The following TENM1 variants were observed in gnomAD, a reference collection of about 807,000 sequenced individuals.
TENM1 encodes the protein teneurin-1.
In TENM1, 35 loss-of-function variants were observed where a neutral mutation model predicts 174.8. The ratio of observed to expected loss-of-function variants is 0.20; its 90% CI spans 0.15 to 0.27. The LOEUF is 0.27. TENM1 is among the 10% of genes least tolerant of loss of function. TENM1 has a pLI of 1.00. For synonymous variants in TENM1, 781 were observed against 798.7 expected, an observed-to-expected ratio of 0.98 and a Z score of 0.37; for missense variants, 1,633 against 2,130.1, an observed-to-expected ratio of 0.77 and a Z score of 4.59.
At chrX:124,739,592 T>C (rs1468536314) in intron 3 of TENM1, among the ~76,000 whole-genome samples, 1 of 112,195 alleles carries the variant, frequency 8.9e-6, no homozygotes, top group Admixed American at 9.4e-5. Flanking sequence ...CCCAGTACTC[T>C]GCCCAGCACT....
chrX:124,678,819 A>T (rs1441836005), intron 5 of TENM1, among the ~76,000 whole-genome samples: 4 of 111,446 alleles, frequency 3.6e-5, no homozygotes, highest in Non-Finnish European at 5.7e-5. Flanking sequence ...AGGTATTTAA[A>T]TTTATTGAAA....
chrX:124,677,845 T>G, intron 5 of TENM1, among the ~76,000 whole-genome samples: 1 of 111,503 alleles, frequency 9.0e-6, no homozygotes. Context: ...ACTCTAAGTT[T>G]AGTTAATAGC....
the TENM1 span, among the ~76,000 whole-genome samples, chrX:125,157,476 C>T: frequency 0.055 from 6,168 of 111,854 alleles, 395 homozygotes; most frequent in Admixed American, 0.25. Flanking sequence ...TTGTATCCAT[C>T]GACTGATACC....
At chrX:124,933,243 C>G (rs1009966869) in intron 1 of TENM1, among the ~76,000 whole-genome samples, 9 of 111,656 alleles carry the variant, frequency 8.1e-5, no homozygotes, top group Non-Finnish European at 1.7e-4. Flanking sequence ...CTCCACACTG[C>G]CAAGAAGGTG....
the TENM1 span, among the ~76,000 whole-genome samples, chrX:125,137,337 A>C: frequency 9.0e-6 from 1 of 110,784 alleles, no homozygotes; most frequent in Non-Finnish European, 1.9e-5. Flanking sequence ...TAAAAGTGTC[A>C]TTTTGACCAC....
intron 3 of TENM1, among the ~76,000 whole-genome samples, chrX:124,785,491 C>A (rs913812327): frequency 2.5e-4 from 28 of 111,931 alleles, no homozygotes; most frequent in Admixed American, 6.6e-4. Context: ...TGTAAAGGAA[C>A]CTTCTGGTTA....
At chrX:124,474,779 G>A (rs2061369988) in intron 22 of TENM1, among the ~76,000 whole-genome samples, 1 of 111,550 alleles carries the variant, frequency 9.0e-6, no homozygotes, top group East Asian at 2.8e-4. Context: ...TAGATGAACT[G>A]TGCATAAAAA....
the TENM1 span, among the ~76,000 whole-genome samples, chrX:124,993,532 A>G: frequency 9.1e-6 from 1 of 110,383 alleles, no homozygotes. Flanking sequence ...AGTACATTAT[A>G]AGATGCTTCT....
chrX:124,568,127 G>C (rs2048980703), intron 11 of TENM1, among the ~76,000 whole-genome samples: 1 of 111,496 alleles, frequency 9.0e-6, no homozygotes, highest in Non-Finnish European at 1.9e-5. Context: ...TGCATGTCTT[G>C]GCTCACAAAA....
At chrX:124,389,042 A>G (rs1189415201) in intron 28 of TENM1, among the ~76,000 whole-genome samples, 1 of 112,494 alleles carries the variant, frequency 8.9e-6, no homozygotes, top group African/African-American at 3.2e-5. Context: ...CTCATAAATC[A>G]AGACAGAGAA....
At chrX:124,782,158 G>A (rs943509150) in intron 3 of TENM1, among the ~76,000 whole-genome samples, 1 of 111,584 alleles carries the variant, frequency 9.0e-6, no homozygotes, top group African/African-American at 3.3e-5. Flanking sequence ...CCTAAGTCAA[G>A]CCCAGGAGAA....
exon 28 of TENM1, chrX:124,392,241 A>G (rs780798476): frequency 2.5e-6 from 3 of 1,209,665 alleles, no homozygotes; most frequent in Non-Finnish European, 2.2e-6. Context: ...TGGGTCGCCC[A>G]GTCTGGTCAT....
chrX:124,705,042 G>T, exon 5 of TENM1: 1 of 1,210,572 alleles, frequency 8.3e-7, no homozygotes, highest in Non-Finnish European at 1.1e-6. Context: ...CAAGGCCAAA[G>T]TCACTGTGAT....
chrX:124,653,932 A>C (rs1318372117), intron 6 of TENM1, 149 bp from the exon 10 acceptor site: 2 of 484,728 alleles, frequency 4.1e-6, no homozygotes, highest in Non-Finnish European at 6.8e-6. Flanking sequence ...GCCTTGCCCA[A>C]ATTAAATATC....
intron 15 of TENM1, among the ~76,000 whole-genome samples, chrX:124,541,186 G>C (rs750499579): frequency 1.8e-4 from 20 of 111,773 alleles, no homozygotes; most frequent in Non-Finnish European, 3.4e-4. Context: ...GTGTGTTCTA[G>C]GCAACCAAAA....
intron 16 of TENM1, among the ~76,000 whole-genome samples, chrX:124,525,606 C>CT (rs944352596): frequency 7.1e-5 from 8 of 111,932 alleles, no homozygotes; most frequent in Middle Eastern, 4.7e-3. Flanking sequence ...TATTCTCTCT[C>CT]TTTTTAAAAA....
chrX:124,743,687 C>A (rs2053852778), intron 3 of TENM1, among the ~76,000 whole-genome samples: 2 of 111,686 alleles, frequency 1.8e-5, no homozygotes, highest in African/African-American at 6.5e-5. Flanking sequence ...TTGAATGGCC[C>A]TCTCACTAAG....
chrX:124,480,451 CTAAT>C (rs1261815798), intron 22 of TENM1, among the ~76,000 whole-genome samples: 1 of 112,066 alleles, frequency 8.9e-6, no homozygotes, highest in East Asian at 2.8e-4. Context: ...AAGTGACCAT[CTAAT>C]AAATTAAACA....
intron 23 of TENM1, among the ~76,000 whole-genome samples, chrX:124,444,525 G>A (rs1042038634): frequency 1.8e-5 from 2 of 111,990 alleles, no homozygotes; most frequent in African/African-American, 6.5e-5. Flanking sequence ...ACCATCACAC[G>A]GAAGTAAGCT....
Sources: allele counts gnomAD v4.1 joint callset (sites outside exome capture counted in the v4.1 genomes callset), GRCh38; gene constraint gnomAD v4.1.1; transcripts MANE v1.5; gene names NCBI Gene and HGNC (gene_info 2026-07-23, HGNC 2026-07-21).